The following FAM186B variants were observed in gnomAD, a reference collection of about 807,000 sequenced individuals.
FAM186B encodes family with sequence similarity 186 member B, also known as protein FAM186B.
A neutral mutation model predicts 83.4 loss-of-function variants in FAM186B; 68 were observed. That is an observed-to-expected ratio of 0.81 (90% CI 0.67 to 1.00). The LOEUF (loss-of-function observed/expected upper bound fraction) is 1.00. Among genes scored for constraint, FAM186B ranks in the 50% least tolerant of loss-of-function variants. The probability of loss-of-function intolerance (pLI) is 0.00; values close to 1 mark genes in which losing one functional copy is unlikely to be tolerated. For missense variants in FAM186B, 983 were observed against 1,099.2 expected (o/e 0.89, Z 1.49); for synonymous variants, 389 against 422.0 (o/e 0.92, Z 0.96).
At chr12:49,598,205 A>G (rs1939771614) in intron 5 of FAM186B, among the ~76,000 whole-genome samples, 2 of 152,244 alleles carry the variant, frequency 1.3e-5, no homozygotes, top group East Asian at 3.8e-4. Flanking sequence ...TTAACCTCCC[A>G]TGCAATCGTT....
At chr12:49,616,797 A>G in the FAM186B span, among the ~76,000 whole-genome samples, 1 of 152,222 alleles carries the variant, frequency 6.6e-6, no homozygotes, top group Non-Finnish European at 1.5e-5. Context: ...ATGACTGGAT[A>G]CATCTGTGAA....
At chr12:49,591,599 T>C (rs562456498) in intron 5 of FAM186B, among the ~76,000 whole-genome samples, 1 of 152,286 alleles carries the variant, frequency 6.6e-6, no homozygotes, top group South Asian at 2.1e-4. Context: ...TACATTTGGA[T>C]CTACACAAAA....
chr12:49,616,314 G>A, the FAM186B span, among the ~76,000 whole-genome samples: 1 of 152,210 alleles, frequency 6.6e-6, no homozygotes, highest in African/African-American at 2.4e-5. Flanking sequence ...ACAGGCGTGA[G>A]CCACCGCACC....
At chr12:49,583,970 C>T (rs1939387715), downstream of FAM186B, 1 of 157,616 alleles carries the variant, frequency 6.3e-6, no homozygotes, top group Admixed American at 6.1e-5. Context: ...TATATTTGAA[C>T]CTCATGTCTC....
intron 5 of FAM186B, among the ~76,000 whole-genome samples, chr12:49,597,621 GGA>G (rs1381971334): frequency 8.5e-5 from 13 of 152,268 alleles, no homozygotes; most frequent in Non-Finnish European, 1.0e-4. Context: ...CCTTGCCAGA[GGA>G]GAGAGAAAAA....
chr12:49,603,112 G>T, intron 3 of FAM186B, 73 bp downstream of exon 3: 1 of 1,522,188 alleles, frequency 6.6e-7, no homozygotes, highest in Non-Finnish European at 9.1e-7. Flanking sequence ...CCCAGGCCCA[G>T]CCTCTGACTT....
the FAM186B span, among the ~76,000 whole-genome samples, chr12:49,619,079 T>G: frequency 6.6e-6 from 1 of 152,262 alleles, no homozygotes; most frequent in Non-Finnish European, 1.5e-5. Flanking sequence ...TAGCAATGCC[T>G]TCATAATTCT....
chr12:49,615,957 G>C, the FAM186B span, among the ~76,000 whole-genome samples: 2,421 of 150,976 alleles, frequency 0.016, 62 homozygotes, highest in African/African-American at 0.056. Context: ...TGTTGAGGAA[G>C]ATTTTGGGAA....
At chr12:49,610,461 T>C (rs746076877), upstream of FAM186B, among the ~76,000 whole-genome samples, 1 of 152,150 alleles carries the variant, frequency 6.6e-6, no homozygotes, top group Non-Finnish European at 1.5e-5. Flanking sequence ...AAGGAATAGA[T>C]AAACATCTTG....
intron 6 of FAM186B, 72 bp downstream of exon 6, chr12:49,588,382 C>T: frequency 6.6e-7 from 1 of 1,518,808 alleles, no homozygotes; most frequent in Non-Finnish European, 8.9e-7. Flanking sequence ...GCCCACCTCC[C>T]CAGGCTGGTC....
Position 49,599,374 on chromosome 12 carries a change from C to T in FAM186B, c.2171+95G>A, listed in dbSNP as rs559423031. 130 of 1,427,940 alleles carry T rather than the reference C, an allele frequency of 9.1e-5. 1 individual carries two copies. The South Asian group carries it at 2.1e-3, about 23-fold the overall frequency. The allele number at this position is 1,427,940 out of a possible 1,614,324, so 88.5% of individuals were successfully genotyped here. On this transcript the variant is annotated intron_variant, in intron 4 of 6. Transcript: ENST00000257894. Reference sequence around the variant, plus strand: ...CAGGCCTGGGGTGGCTCTCCCCATCCCCCCTTGCCCTGTGTTCCTTCTCTC... The same window carrying T: ...CAGGCCTGGGGTGGCTCTCCCCATCTCCCCTTGCCCTGTGTTCCTTCTCTC...
chr12:49,594,484 G>T (rs1161925632), intron 5 of FAM186B, among the ~76,000 whole-genome samples: 1 of 152,124 alleles, frequency 6.6e-6, no homozygotes, highest in African/African-American at 2.4e-5. Flanking sequence ...TTTAAATTAG[G>T]CAGAGTAAGA....
At position 49,600,508 on chromosome 12, in the gene FAM186B, T is replaced by C. The variant is rs145067466; in HGVS notation, c.1132A>G (p.Met378Val). 3.7e-4 allele frequency: 605 copies of C among 1,614,088 alleles called. No individual in the cohort carries two copies. Among genetic ancestry groups the C allele is most frequent in the Admixed American group, 9.0e-4 (54 of 60,008 alleles). ...FSPLPPSPMA[M>V]IRDSGAIAAG... is the part of the protein sequence containing the mutation. ...GCTATAGCACCACTGTCCCGTATCATGGCCATGGGACTTGGGGGAAGTGGC... is the reference window on the plus strand; with the variant it reads ...GCTATAGCACCACTGTCCCGTATCACGGCCATGGGACTTGGGGGAAGTGGC... Residue 378 changes from methionine to valine, a missense_variant, in exon 4 of 7, where the codon ATG becomes GTG. By Grantham distance (21) the Met-to-Val change is conservative (BLOSUM62 1). Coordinates refer to ENST00000257894, the MANE Select transcript of FAM186B (RefSeq NM_032130.3). This position sits in a 1 kb window ranked among gnomAD's most constrained non-coding sequence, Gnocchi z 4.3.
the FAM186B span, among the ~76,000 whole-genome samples, chr12:49,617,989 A>G: frequency 3.9e-5 from 6 of 152,240 alleles, no homozygotes; most frequent in South Asian, 1.2e-3. Flanking sequence ...CTGTCTGACC[A>G]CACTGAGAAG....
intron 5 of FAM186B, among the ~76,000 whole-genome samples, chr12:49,591,427 G>A (rs11169081): frequency 0.22 from 34,019 of 152,066 alleles, 6,163 homozygotes; most frequent in African/African-American, 0.51. Context: ...GAAAGAAAAA[G>A]CTGCCCACCT....
In FAM186B at chr12:49,600,970, T is replaced by C; in HGVS notation, c.670A>G (p.Met224Val). 1 of 1,614,134 alleles carries C rather than the reference T, an allele frequency of 6.2e-7. No homozygotes were observed. Among genetic ancestry groups the C allele is most frequent in the Non-Finnish European group, 8.5e-7 (1 of 1,179,994 alleles). ...SMLQELLDST[M>V]FSKGEVRAIR... ...GCCCTGACCTCCCCCTTGCTGAACA[T>C]GGTAGAGTCCAGGAGCTCCTGCAGC... The change falls in exon 4 of 7, where the codon ATG (methionine) becomes GTG (valine). Residue 224 changes from methionine (M) to valine (V), a missense_variant. By Grantham distance (21) the Met-to-Val change is conservative. Coordinates refer to ENST00000257894, the MANE Select transcript of FAM186B (RefSeq NM_032130.3). This position sits in a 1 kb window ranked among gnomAD's most constrained non-coding sequence, Gnocchi z 4.3.
At position 49,599,752 on chromosome 12, in the gene FAM186B, T is replaced by G. The variant is rs1365841586; in HGVS notation, c.1888A>C (p.Lys630Gln). Residue 630 changes from lysine (K) to glutamine (Q), a missense_variant, in exon 4 of 7, where the codon AAG (lysine) becomes CAG (glutamine). Physicochemically the swap from Lys to Gln is moderately conservative, Grantham distance 53. Coordinates refer to ENST00000257894, the MANE Select transcript of FAM186B (RefSeq NM_032130.3). ...GTGACAGGAAAGGAGGCAGATTTCTTGGGCTTTGTGGGAACTCGGCGGGTC... is the reference window on the plus strand; with the variant it reads ...GTGACAGGAAAGGAGGCAGATTTCTGGGGCTTTGTGGGAACTCGGCGGGTC... ...PRTRRVPTKP[K>Q]KSASFPVTGT... is the part of the protein sequence containing the mutation. 6.2e-7 allele frequency: 1 copy of G among 1,614,162 alleles called. No individual in the cohort carries two copies. The highest frequency in any genetic ancestry group is 2.2e-5 in the East Asian group (1 of 44,874).
chr12:49,585,128 C>T (rs1939413523), downstream of FAM186B, among the ~76,000 whole-genome samples: 1 of 152,210 alleles, frequency 6.6e-6, no homozygotes, highest in African/African-American at 2.4e-5. Context: ...ACACCACTCT[C>T]CTGCCTCAGC....
At chr12:49,616,033 GTT>G in the FAM186B span, among the ~76,000 whole-genome samples, 2 of 142,950 alleles carry the variant, frequency 1.4e-5, no homozygotes, top group African/African-American at 2.6e-5. Context: ...GAGTTTGGCA[GTT>G]TTTTTTTTTT....
Sources: allele counts gnomAD v4.1 joint callset (sites outside exome capture counted in the v4.1 genomes callset), GRCh38; gene constraint gnomAD v4.1.1; non-coding constraint Gnocchi (gnomAD v3.1); transcripts MANE v1.5; gene names NCBI Gene and HGNC (gene_info 2026-07-23, HGNC 2026-07-21).